The following SHISA9 variants were observed in gnomAD, a reference collection of about 807,000 sequenced individuals.
SHISA9 encodes the protein protein shisa-9.
In SHISA9, 13 loss-of-function variants were observed where a neutral mutation model predicts 38.0. The observed-to-expected ratio is 0.34, with a 90% CI of 0.22 to 0.54. SHISA9 has a LOEUF of 0.54. Ranked by LOEUF, SHISA9 falls within the 20% of genes least tolerant of loss-of-function variation. The pLI, the probability that SHISA9 is intolerant of heterozygous loss-of-function variation, is 0.91. For synonymous variants in SHISA9, 275 were observed against 242.0 expected (o/e 1.14, Z -1.27); for missense variants, 538 against 575.8 (o/e 0.93, Z 0.67).
the SHISA9 span, among the ~76,000 whole-genome samples, chr16:13,527,027 C>T: frequency 2.6e-5 from 4 of 152,168 alleles, no homozygotes; most frequent in Non-Finnish European, 5.9e-5. Context: ...CTGACTTTTT[C>T]TCCACCCCAA....
chr16:12,956,702 A>G (rs2071839740), intron 2 of SHISA9, among the ~76,000 whole-genome samples: 1 of 152,194 alleles, frequency 6.6e-6, no homozygotes, highest in African/African-American at 2.4e-5. Flanking sequence ...GATGGCAATA[A>G]TAGACACTGG....
At chr16:13,480,101 T>A in the SHISA9 span, among the ~76,000 whole-genome samples, 1 of 152,196 alleles carries the variant, frequency 6.6e-6, no homozygotes, top group African/African-American at 2.4e-5. Context: ...GCCTACCTCT[T>A]CTCACTCCTG....
At chr16:13,188,197 C>G (rs561795382) in intron 2 of SHISA9, among the ~76,000 whole-genome samples, 1 of 152,324 alleles carries the variant, frequency 6.6e-6, no homozygotes, top group Non-Finnish European at 1.5e-5. Context: ...TTCAGAGCAA[C>G]CAAAATGTTG....
chr16:13,226,206 T>C (rs1178465482), intron 4 of SHISA9, among the ~76,000 whole-genome samples: 2 of 152,218 alleles, frequency 1.3e-5, no homozygotes, highest in Non-Finnish European at 2.9e-5. Flanking sequence ...ACAGAAACAT[T>C]ATGAAAACAG....
chr16:13,321,652 T>C, the SHISA9 span, among the ~76,000 whole-genome samples: 2 of 152,262 alleles, frequency 1.3e-5, no homozygotes, highest in African/African-American at 4.8e-5. Flanking sequence ...TTGCATATTG[T>C]ACATGTTTCC....
At chr16:13,211,406 A>G (rs145062913) in intron 3 of SHISA9, among the ~76,000 whole-genome samples, 1 of 152,310 alleles carries the variant, frequency 6.6e-6, no homozygotes, top group East Asian at 1.9e-4. Context: ...TATATTTTAC[A>G]TACAGTGACA....
At chr16:12,938,705 G>A (rs2071568225) in intron 2 of SHISA9, among the ~76,000 whole-genome samples, 1 of 151,914 alleles carries the variant, frequency 6.6e-6, no homozygotes, top group Non-Finnish European at 1.5e-5. Context: ...GTTTCACCAT[G>A]TTGGCCAGGA....
At chr16:13,160,632 C>G (rs750025260) in intron 2 of SHISA9, among the ~76,000 whole-genome samples, 2 of 152,142 alleles carry the variant, frequency 1.3e-5, no homozygotes, top group Non-Finnish European at 2.9e-5. Flanking sequence ...GCGTGAGAAC[C>G]AAAATCTGAT....
intron 4 of SHISA9, among the ~76,000 whole-genome samples, chr16:13,221,693 G>T (rs1328163228): frequency 6.6e-6 from 1 of 152,106 alleles, no homozygotes; most frequent in African/African-American, 2.4e-5. Context: ...TTTTCAGAAT[G>T]TTCACAGAAT....
At chr16:13,273,353 C>T in the SHISA9 span, among the ~76,000 whole-genome samples, 2,467 of 152,218 alleles carry the variant, frequency 0.016, 34 homozygotes, top group Middle Eastern at 0.037. Context: ...TCTTGAGTTT[C>T]CATGTGTTGT....
chr16:13,166,817 G>A (rs1267986334), intron 2 of SHISA9, among the ~76,000 whole-genome samples: 1 of 152,096 alleles, frequency 6.6e-6, no homozygotes, highest in Non-Finnish European at 1.5e-5. Flanking sequence ...GGAAGAAGAG[G>A]AGGCAGTAGG....
At chr16:13,083,213 C>T (rs571192322) in intron 2 of SHISA9, among the ~76,000 whole-genome samples, 1 of 152,274 alleles carries the variant, frequency 6.6e-6, no homozygotes, top group East Asian at 1.9e-4. Flanking sequence ...CGTGGCTACT[C>T]CATGGGGCTG....
chr16:12,982,646 T>C (rs1237296677), intron 2 of SHISA9, among the ~76,000 whole-genome samples: 1 of 152,198 alleles, frequency 6.6e-6, no homozygotes, highest in Non-Finnish European at 1.5e-5. Context: ...CTCCAGAACA[T>C]CTCCCTTCAC....
chr16:13,498,015 C>G, the SHISA9 span, among the ~76,000 whole-genome samples: 1 of 151,750 alleles, frequency 6.6e-6, no homozygotes, highest in Admixed American at 6.6e-5. Flanking sequence ...AAAGCAAACA[C>G]TCAACAAATT....
chr16:13,010,960 A>T (rs945088050), intron 2 of SHISA9, among the ~76,000 whole-genome samples: 5 of 152,224 alleles, frequency 3.3e-5, no homozygotes, highest in Admixed American at 2.0e-4. Flanking sequence ...TCAAATTTTT[A>T]AAAAAGCTAG....
the SHISA9 span, among the ~76,000 whole-genome samples, chr16:13,313,532 G>T: frequency 6.6e-6 from 1 of 152,148 alleles, no homozygotes; most frequent in African/African-American, 2.4e-5. Context: ...AAATGAAAAT[G>T]CTTAAAAAGT....
At position 13,208,433 on chromosome 16, in the gene SHISA9, CT is replaced by C. The variant is rs148636082; in HGVS notation, c.848-4811del. Among the ~76,000 whole-genome samples the C allele has an allele frequency of 5.8e-5, 7 of 119,876 alleles. No individual in the cohort carries two copies. The East Asian group carries it at 1.2e-3, about 20-fold the overall frequency. The allele number at this position is 119,876 out of a possible 152,430, so 78.6% of individuals were successfully genotyped here. On this transcript the variant is annotated intron_variant, in intron 3 of 4. Coordinates refer to ENST00000558583, the MANE Select transcript of SHISA9 (RefSeq NM_001145204.3). ...AAGAGACCTCTTTTCCTTTCTTTTTCTTTTTTTTTCTTTTTTTTTTTTTTTG... is the reference window on the plus strand; with the variant it reads ...AAGAGACCTCTTTTCCTTTCTTTTTCTTTTTTTTCTTTTTTTTTTTTTTTG...
chr16:13,407,239 G>A, the SHISA9 span, among the ~76,000 whole-genome samples: 12 of 152,226 alleles, frequency 7.9e-5, no homozygotes, highest in African/African-American at 2.4e-4. Context: ...CAGGTTCAAG[G>A]TCAGTTGTGG....
the SHISA9 span, among the ~76,000 whole-genome samples, chr16:13,508,043 C>G: frequency 6.6e-6 from 1 of 152,156 alleles, no homozygotes; most frequent in African/African-American, 2.4e-5. Flanking sequence ...AATTTTGTAT[C>G]TTTCCATCTA....
Sources: allele counts gnomAD v4.1 joint callset (sites outside exome capture counted in the v4.1 genomes callset), GRCh38; gene constraint gnomAD v4.1.1; transcripts MANE v1.5; gene names NCBI Gene and HGNC (gene_info 2026-07-23, HGNC 2026-07-21).